Variants in SMARCAD1 observed in about 807,000 individuals in gnomAD.
SMARCAD1 encodes the protein SWI/SNF-related matrix-associated actin-dependent regulator of chromatin subfamily A containing DEAD/H box 1.
Under a neutral mutation model 127.1 loss-of-function variants are expected in SMARCAD1, and 25 were observed. The ratio of observed to expected loss-of-function variants is 0.20; its 90% CI spans 0.14 to 0.27. The LOEUF is 0.27. Among genes scored for constraint, SMARCAD1 ranks in the 10% least tolerant of loss-of-function variants. SMARCAD1 has a pLI of 1.00. For missense variants in SMARCAD1, 807 were observed against 1,206.0 expected (o/e 0.67, Z 4.90); for synonymous variants, 400 against 396.9 (o/e 1.01, Z -0.09).
At chr4:94,243,017 G>A (rs1747835432) in intron 6 of SMARCAD1, among the ~76,000 whole-genome samples, 1 of 152,182 alleles carries the variant, frequency 6.6e-6, no homozygotes, top group South Asian at 2.1e-4. Context: ...CTGTCGCCCA[G>A]GCATGATCTC....
intron 10 of SMARCAD1, among the ~76,000 whole-genome samples, chr4:94,270,183 G>A (rs1404067495): frequency 2.6e-5 from 4 of 151,736 alleles, no homozygotes; most frequent in Admixed American, 2.6e-4. Context: ...TGCTAAACAT[G>A]TGCTGTGTAC....
chr4:94,274,416 C>T lies in SMARCAD1; in HGVS notation c.1673-322C>T, dbSNP rs576414128. Among the ~76,000 whole-genome samples, 10 of 152,302 alleles carry T rather than the reference C, an allele frequency of 6.6e-5. No individual in the cohort carries two copies. In the East Asian group the frequency reaches 1.9e-3, roughly 29 times the overall value. The stretch of plus-strand genomic sequence containing the variant: ...TCTTGGCTCACCGCAACCTCCGCCT[C>T]CCAGGTTCTCGTGCCTCAGCCTCCC... On this transcript the variant is annotated intron_variant, in intron 12 of 23. Coordinates refer to ENST00000354268, the MANE Select transcript of SMARCAD1 (RefSeq NM_020159.5).
chr4:94,273,958 T>A (rs890112577), intron 12 of SMARCAD1, among the ~76,000 whole-genome samples: 1 of 152,232 alleles, frequency 6.6e-6, no homozygotes, highest in Non-Finnish European at 1.5e-5. Context: ...CCAAGGACGA[T>A]TTATGTTGGT....
rs1486575283 is a variant in SMARCAD1 at position 94,287,111 on chromosome 4, C to T, written c.3019+2042C>T. On this transcript the variant is annotated intron_variant, in intron 23 of 23. Transcript: ENST00000354268. ...GATCTCCTGACCTCGTGAGCCACCG[C>T]GCCTGGCCTCTCCTTACCACTTTTC... Among the ~76,000 whole-genome samples, 6 of 152,036 alleles carry T rather than the reference C, an allele frequency of 3.9e-5. No homozygotes were observed. The South Asian group carries it at 8.3e-4, about 21-fold the overall frequency.
At chr4:94,273,129 G>C (rs1483459313) in intron 11 of SMARCAD1, among the ~76,000 whole-genome samples, 1 of 152,106 alleles carries the variant, frequency 6.6e-6, no homozygotes, top group Non-Finnish European at 1.5e-5. Flanking sequence ...TCCAGTGTTT[G>C]GCTATTAAGA....
At position 94,219,852 on chromosome 4, in the gene SMARCAD1, A is replaced by G. The variant is rs78851310; in HGVS notation, c.191-6267A>G. On this transcript the variant is annotated intron_variant, in intron 2 of 23. Transcript: ENST00000354268. ...CTCCTATTTCAAAAGGGCAAGTTGA[A>G]CTGTAACTTGCCATTATTTTGCTTT... 6.7e-3 allele frequency among the ~76,000 whole-genome samples: 1,022 copies of G among 152,298 alleles called. 5 individuals are homozygous for G. The highest frequency in any genetic ancestry group is 0.054 in the Middle Eastern group (16 of 294).
In SMARCAD1 at chr4:94,279,836, T is replaced by C. The variant is rs77210576; in HGVS notation, c.2419-756T>C. Among the ~76,000 whole-genome samples, 1,149 of 152,324 alleles carry C rather than the reference T, an allele frequency of 7.5e-3. 9 individuals carry two copies. Among genetic ancestry groups the C allele is most frequent in the Admixed American group, 0.011 (167 of 15,294 alleles). On this transcript the variant is annotated intron_variant, in intron 19 of 23. Transcript: ENST00000354268. ...AACCTTATTTATCCTTACTGATCTT[T>C]GGTTGAAAGCAACCCATTTTCTTCC...
At chr4:94,227,515 T>G (rs1188558091) in intron 3 of SMARCAD1, among the ~76,000 whole-genome samples, 1 of 152,172 alleles carries the variant, frequency 6.6e-6, no homozygotes, top group Non-Finnish European at 1.5e-5. Context: ...TGGAATATAC[T>G]TTGAAGATGG....
chr4:94,280,822 A>C (rs1246253800), intron 20 of SMARCAD1, 42 bp downstream of exon 20: 14 of 1,577,222 alleles, frequency 8.9e-6, no homozygotes, highest in Non-Finnish European at 1.2e-5. Context: ...TTTCTCAATT[A>C]CTTTAACTTC....
chr4:94,239,537 G>A (rs956780184), intron 5 of SMARCAD1, among the ~76,000 whole-genome samples: 2 of 150,476 alleles, frequency 1.3e-5, no homozygotes, highest in Non-Finnish European at 3.0e-5. Flanking sequence ...GATGTTGTCC[G>A]GAGTCTCTCT....
intron 23 of SMARCAD1, 52 bp from the exon 24 acceptor site, chr4:94,289,421 T>C: frequency 6.7e-7 from 1 of 1,499,468 alleles, no homozygotes; most frequent in Non-Finnish European, 9.2e-7. Context: ...GACAATTTTT[T>C]TTTAAGTAAA....
chr4:94,258,797 T>A (rs1362593272), intron 9 of SMARCAD1, among the ~76,000 whole-genome samples: 2 of 152,240 alleles, frequency 1.3e-5, no homozygotes, highest in African/African-American at 4.8e-5. Flanking sequence ...AAAAATTAAA[T>A]GCCATCAGTT....
intron 2 of SMARCAD1, among the ~76,000 whole-genome samples, chr4:94,225,611 AT>A (rs2125832459): frequency 6.6e-6 from 1 of 152,316 alleles, no homozygotes; most frequent in East Asian, 1.9e-4. Flanking sequence ...CATACACCAC[AT>A]ATTCATAAGA....
intron 9 of SMARCAD1, 101 bp downstream of exon 9, chr4:94,253,108 G>A (rs1004130147): frequency 6.3e-7 from 1 of 1,579,540 alleles, no homozygotes; most frequent in Non-Finnish European, 8.6e-7. Flanking sequence ...GCATAGATGG[G>A]TGGCCTTATC....
chr4:94,252,714 C>A lies in SMARCAD1; in HGVS notation c.988C>A (p.Gln330Lys). Residue 330 changes from glutamine to lysine, a missense_variant, in exon 9 of 24, where the codon CAG (glutamine) becomes AAG (lysine). Around this residue, in one of 8 missense-constraint regions of SMARCAD1, gnomAD observed 257 missense variants for 303.4 expected, o/e 0.85. Transcript: ENST00000354268. ...PKNATKTKLK[Q>K]KFSMKAQNGF... is the part of the protein sequence containing the mutation. ...AAATGCAACTAAAACAAAACTAAAA[C>A]AGAAATTTTCAATGAAAGCACAAAA... is the stretch of plus-strand genomic sequence containing the variant. The A allele has an allele frequency of 6.3e-7, 1 of 1,593,630 alleles. No individual in the cohort carries two copies. The highest frequency in any genetic ancestry group is 1.2e-5 in the South Asian group (1 of 86,636).
chr4:94,237,403 A>T (rs923678389), intron 5 of SMARCAD1, among the ~76,000 whole-genome samples: 5 of 151,950 alleles, frequency 3.3e-5, no homozygotes, highest in Admixed American at 2.0e-4. Context: ...GGGGCTTGGG[A>T]TACAAAAATA....
chr4:94,234,181 C>A (rs2664890), intron 4 of SMARCAD1, 59 bp downstream of exon 4: 1 of 1,453,894 alleles, frequency 6.9e-7, no homozygotes, highest in Non-Finnish European at 9.4e-7. Flanking sequence ...GCATTCAGTG[C>A]TATAGTTAGT....
In SMARCAD1 at chr4:94,290,275, G is replaced by A. The variant is rs1457070137; in HGVS notation, c.*741G>A. The A allele has an allele frequency of 4.4e-6, 2 of 454,456 alleles. No homozygotes were observed. Among genetic ancestry groups the A allele is most frequent in the South Asian group, 3.1e-5 (2 of 64,470 alleles). 28.2% of individuals were successfully genotyped at this position (454,456 alleles called of 1,614,324 possible). On this transcript the variant is annotated 3_prime_UTR_variant, in exon 24 of 24. Transcript: ENST00000354268. ...TGTGCATATTACTCTGCCTAATCTT[G>A]TGCATGTTTTCATTGATTTCCCTCT...
intron 10 of SMARCAD1, among the ~76,000 whole-genome samples, chr4:94,269,493 GTTT>G (rs75891233): frequency 2.2e-5 from 3 of 139,210 alleles, no homozygotes; most frequent in Non-Finnish European, 4.8e-5. Context: ...GGCAAATTAA[GTTT>G]TTTTTTTTTT....
Sources: allele counts gnomAD v4.1 joint callset (sites outside exome capture counted in the v4.1 genomes callset), GRCh38; gene constraint gnomAD v4.1.1; regional missense constraint gnomAD v4.1.1; transcripts MANE v1.5; gene names NCBI Gene and HGNC (gene_info 2026-07-23, HGNC 2026-07-21).